Variants in TDRD9 observed in about 807,000 individuals in gnomAD.
The protein encoded by TDRD9 is ATP-dependent RNA helicase TDRD9.
A neutral mutation model predicts 172.6 loss-of-function variants in TDRD9; 124 were observed. That is an observed-to-expected ratio of 0.72 (90% confidence interval 0.62 to 0.83). TDRD9 has a LOEUF of 0.83. Among genes scored for constraint, TDRD9 ranks in the 40% least tolerant of loss-of-function variants. TDRD9 has a pLI of 0.00. For synonymous variants in TDRD9, 619 were observed against 617.1 expected (o/e 1.00, Z -0.05); for missense variants, 1,479 against 1,714.1 (o/e 0.86, Z 2.42).
chr14:103,956,561 G>T (rs750142856), intron 2 of TDRD9, among the ~76,000 whole-genome samples: 28 of 152,148 alleles, frequency 1.8e-4, no homozygotes, highest in Non-Finnish European at 2.5e-4. Flanking sequence ...AGAATCGCTT[G>T]AACTGGGAGG....
chr14:103,989,408 A>G (rs2033789776), intron 8 of TDRD9, among the ~76,000 whole-genome samples: 1 of 152,244 alleles, frequency 6.6e-6, no homozygotes, highest in Non-Finnish European at 1.5e-5. Context: ...GCATGGTAAT[A>G]CCATTGAATT....
chr14:103,977,315 C>A (rs2033283918), intron 7 of TDRD9, among the ~76,000 whole-genome samples: 2 of 151,712 alleles, frequency 1.3e-5, no homozygotes, highest in African/African-American at 4.9e-5. Flanking sequence ...CACGGTGAAA[C>A]CCCGTCTCTA....
chr14:104,033,312 G>A (rs1397278449), intron 30 of TDRD9, among the ~76,000 whole-genome samples: 5 of 152,232 alleles, frequency 3.3e-5, no homozygotes, highest in African/African-American at 4.8e-5. Flanking sequence ...AGGAGCCCCA[G>A]TGTGAAGCCG....
At chr14:103,968,622 C>T (rs375264443) in intron 5 of TDRD9, among the ~76,000 whole-genome samples, 1 of 148,636 alleles carries the variant, frequency 6.7e-6, no homozygotes, top group East Asian at 2.0e-4. Flanking sequence ...TGGTGAAACC[C>T]CATCTCTACT....
chr14:104,015,523 C>A (rs2034763313), intron 21 of TDRD9, among the ~76,000 whole-genome samples: 1 of 152,120 alleles, frequency 6.6e-6, no homozygotes, highest in Non-Finnish European at 1.5e-5. Context: ...TTGCAGAGTG[C>A]ATTTTAGAGG....
At chr14:103,975,625 T>C in intron 7 of TDRD9, 72 bp downstream of exon 7, 1 of 1,430,834 alleles carries the variant, frequency 7.0e-7, no homozygotes, top group Non-Finnish European at 9.3e-7. Flanking sequence ...ATTCATCACC[T>C]ATGATTGTAA....
intron 13 of TDRD9, among the ~76,000 whole-genome samples, chr14:104,002,884 CT>C (rs2034309746): frequency 2.0e-5 from 3 of 151,994 alleles, no homozygotes; most frequent in African/African-American, 4.8e-5. Flanking sequence ...GCGCGCACCC[CT>C]ATGCCTGTCT....
chr14:104,013,089 T>A (rs1270625904), intron 20 of TDRD9, among the ~76,000 whole-genome samples: 1 of 152,196 alleles, frequency 6.6e-6, no homozygotes, highest in African/African-American at 2.4e-5. Context: ...GTCCCAGGCT[T>A]TTCCTCCCTC....
intron 35 of TDRD9, among the ~76,000 whole-genome samples, chr14:104,051,270 G>C (rs1010838378): frequency 6.6e-6 from 1 of 152,112 alleles, no homozygotes; most frequent in Non-Finnish European, 1.5e-5. Flanking sequence ...GCTGCATCCC[G>C]ATTGCACAAT....
intron 1 of TDRD9, among the ~76,000 whole-genome samples, chr14:103,930,435 C>A (rs934114658): frequency 6.6e-6 from 1 of 152,220 alleles, no homozygotes; most frequent in Non-Finnish European, 1.5e-5. Flanking sequence ...GTCGGCCTCC[C>A]AAAGTGCTGG....
At chr14:103,961,708 G>T (rs1239545398) in intron 2 of TDRD9, among the ~76,000 whole-genome samples, 2 of 152,080 alleles carry the variant, frequency 1.3e-5, no homozygotes, top group Non-Finnish European at 2.9e-5. Context: ...GACAGATCTG[G>T]TTCCTCTGTT....
Position 104,007,581 on chromosome 14 carries a change from T to G in TDRD9, c.2052+377T>G, listed in dbSNP as rs563106962. ...GGCCATGTGGCTGCTGTTTCTGTTT[T>G]CAGCTCTTTTAGATAACGGGCTTAA... On this transcript the variant is annotated intron_variant, in intron 19 of 35. Coordinates refer to ENST00000409874, the MANE Select transcript of TDRD9 (RefSeq NM_153046.3). 5.7e-4 allele frequency among the ~76,000 whole-genome samples: 87 copies of G among 152,212 alleles called. No individual in the cohort carries two copies. The South Asian group carries it at 0.018, about 31-fold the overall frequency.
intron 13 of TDRD9, among the ~76,000 whole-genome samples, chr14:104,001,365 C>T (rs1258585574): frequency 1.3e-5 from 2 of 152,214 alleles, no homozygotes; most frequent in African/African-American, 2.4e-5. Flanking sequence ...CCATAGTGTT[C>T]TTAGGAGCCA....
At chr14:103,982,877 G>C (rs920577125) in intron 7 of TDRD9, among the ~76,000 whole-genome samples, 1 of 152,072 alleles carries the variant, frequency 6.6e-6, no homozygotes, top group Non-Finnish European at 1.5e-5. Flanking sequence ...CTCCAGCCTG[G>C]ACAACAAGAG....
intron 6 of TDRD9, among the ~76,000 whole-genome samples, chr14:103,972,541 G>A (rs1447942320): frequency 6.6e-6 from 1 of 152,212 alleles, no homozygotes; most frequent in Non-Finnish European, 1.5e-5. Flanking sequence ...GAATAATTGT[G>A]CAGTCTAAAT....
chr14:104,014,810 A>T lies in TDRD9; in HGVS notation c.2192A>T (p.Glu731Val). 1 of 1,610,560 alleles carries T rather than the reference A, an allele frequency of 6.2e-7. No individual in the cohort carries two copies. ...TCTCGGCGACCTGTCATGGACCAAG[A>T]GTATATATATAAGCAGCGATTCATC... The part of the protein sequence containing the change: ...VDSRRPVMDQ[E>V]YIYKQRFILQ... The change falls in exon 21 of 36, where the codon GAG (glutamate) becomes GTG (valine). Residue 731 changes from glutamate (E) to valine (V), a missense_variant. Coordinates refer to ENST00000409874, the MANE Select transcript of TDRD9 (RefSeq NM_153046.3).
At chr14:104,040,719 C>A (rs1471501975) in intron 33 of TDRD9, among the ~76,000 whole-genome samples, 1 of 152,220 alleles carries the variant, frequency 6.6e-6, no homozygotes. Flanking sequence ...TCCTGCCCCT[C>A]TGCCCTTCTC....
At chr14:104,043,345 G>A (rs971347859) in intron 34 of TDRD9, among the ~76,000 whole-genome samples, 1 of 151,680 alleles carries the variant, frequency 6.6e-6, no homozygotes, top group East Asian at 1.9e-4. Context: ...GGGTTCAAGC[G>A]ATTCTCCTGC....
chr14:104,027,909 A>T (rs759389682), intron 28 of TDRD9, among the ~76,000 whole-genome samples: 1 of 150,710 alleles, frequency 6.6e-6, no homozygotes. Flanking sequence ...CATTATTTCA[A>T]TTTTTTTTTA....
Sources: allele counts gnomAD v4.1 joint callset (sites outside exome capture counted in the v4.1 genomes callset), GRCh38; gene constraint gnomAD v4.1.1; transcripts MANE v1.5; gene names NCBI Gene and HGNC (gene_info 2026-07-23, HGNC 2026-07-21).